The following RALGAPA2 variants were observed in gnomAD, a reference collection of about 807,000 sequenced individuals.
RALGAPA2 encodes ral GTPase-activating protein subunit alpha-2.
RALGAPA2 carries 139 observed loss-of-function variants against 230.4 expected under a neutral mutation model. The observed-to-expected ratio is 0.60, with a 90% confidence interval of 0.53 to 0.69. The LOEUF is 0.69. RALGAPA2 is among the 30% of genes least tolerant of loss of function. The pLI is 0.00. For synonymous variants in RALGAPA2, 847 were observed against 837.8 expected, an observed-to-expected ratio of 1.01 and a Z score of -0.19; for missense variants, 2,163 against 2,276.0, an observed-to-expected ratio of 0.95 and a Z score of 1.01.
Position 20,591,174 on chromosome 20 carries a change from T to C in RALGAPA2, c.2341+3A>G. ...TGTATTAAACACTGAAGACATCATG[T>C]ACCCTGAGAAGAATCTGAGCACAGC... On this transcript the variant is annotated splice_donor_region_variant and intron_variant, in intron 17 of 39. Transcript: ENST00000202677. 1 of 1,613,516 alleles carries C rather than the reference T, an allele frequency of 6.2e-7. No individual in the cohort carries two copies. The highest frequency in any genetic ancestry group is 8.5e-7 in the Non-Finnish European group (1 of 1,179,658).
At chr20:20,615,286 G>A (rs943792658) in intron 13 of RALGAPA2, among the ~76,000 whole-genome samples, 3 of 151,346 alleles carry the variant, frequency 2.0e-5, no homozygotes, top group Non-Finnish European at 2.9e-5. Flanking sequence ...TCAGCCTCCC[G>A]AGTAGCTGGG....
intron 32 of RALGAPA2, among the ~76,000 whole-genome samples, chr20:20,511,727 T>G (rs796196856): frequency 6.6e-6 from 1 of 152,208 alleles, no homozygotes; most frequent in Non-Finnish European, 1.5e-5. Context: ...TACTTCCCAT[T>G]GGATTTAATC....
intron 23 of RALGAPA2, among the ~76,000 whole-genome samples, chr20:20,548,103 A>G (rs1285930024): frequency 2.0e-5 from 3 of 151,750 alleles, no homozygotes; most frequent in Non-Finnish European, 2.9e-5. Context: ...TAGTCTCAAT[A>G]TAAGAGTAAG....
intron 37 of RALGAPA2, among the ~76,000 whole-genome samples, chr20:20,431,055 T>C (rs970019967): frequency 1.3e-5 from 2 of 152,026 alleles, no homozygotes; most frequent in Non-Finnish European, 2.9e-5. Context: ...GGCTATACCC[T>C]TTTGGTGTGG....
intron 37 of RALGAPA2, among the ~76,000 whole-genome samples, chr20:20,465,197 A>ACACACACACACACACACTCT (rs772089136): frequency 6.8e-6 from 1 of 147,340 alleles, no homozygotes; most frequent in Admixed American, 6.8e-5. Context: ...ACACACACAC[A>ACACACACACACACACACTCT]CTCTCTCATA....
At chr20:20,547,520 C>G (rs2063806835) in intron 23 of RALGAPA2, among the ~76,000 whole-genome samples, 1 of 152,174 alleles carries the variant, frequency 6.6e-6, no homozygotes, top group Non-Finnish European at 1.5e-5. Context: ...GGCCCCTCAC[C>G]CCCCAGCTCT....
intron 31 of RALGAPA2, among the ~76,000 whole-genome samples, chr20:20,518,708 G>GT (rs1435460835): frequency 6.6e-6 from 1 of 152,002 alleles, no homozygotes; most frequent in African/African-American, 2.4e-5. Flanking sequence ...ATATTTTTAG[G>GT]TTTTTCCTTT....
At chr20:20,455,384 G>A (rs747476627) in intron 37 of RALGAPA2, among the ~76,000 whole-genome samples, 23 of 152,214 alleles carry the variant, frequency 1.5e-4, no homozygotes, top group Non-Finnish European at 2.2e-4. Context: ...TTACTATAAC[G>A]TGCACGGAAA....
At chr20:20,679,321 A>C (rs574724450) in intron 2 of RALGAPA2, among the ~76,000 whole-genome samples, 1 of 152,220 alleles carries the variant, frequency 6.6e-6, no homozygotes, top group South Asian at 2.1e-4. Context: ...CTTATAACCA[A>C]GTCTCATAGA....
intron 15 of RALGAPA2, among the ~76,000 whole-genome samples, chr20:20,603,755 C>A (rs1196849083): frequency 1.3e-5 from 2 of 152,216 alleles, no homozygotes; most frequent in Non-Finnish European, 2.9e-5. Context: ...CTGAGTCCAA[C>A]CCAAATTGCC....
intron 37 of RALGAPA2, among the ~76,000 whole-genome samples, chr20:20,467,093 A>G (rs1238251218): frequency 6.6e-6 from 1 of 152,236 alleles, no homozygotes; most frequent in Non-Finnish European, 1.5e-5. Context: ...TACAAGACAC[A>G]CAAAGCTTCT....
At chr20:20,405,702 C>T (rs968972521) in intron 38 of RALGAPA2, among the ~76,000 whole-genome samples, 2 of 152,214 alleles carry the variant, frequency 1.3e-5, no homozygotes, top group African/African-American at 2.4e-5. Context: ...TTCAGTTACT[C>T]GGTCTGTGGA....
intron 14 of RALGAPA2, among the ~76,000 whole-genome samples, chr20:20,609,055 T>C (rs1375198819): frequency 6.6e-6 from 1 of 152,198 alleles, no homozygotes; most frequent in Non-Finnish European, 1.5e-5. Context: ...AGCACAGTGA[T>C]GCAATCATAG....
At chr20:20,540,682 G>C (rs1384780418) in intron 24 of RALGAPA2, among the ~76,000 whole-genome samples, 3 of 152,064 alleles carry the variant, frequency 2.0e-5, no homozygotes, top group Admixed American at 1.3e-4. Context: ...CACTTCATGT[G>C]AATTTGACCT....
At chr20:20,694,526 T>A (rs1404217089) in intron 1 of RALGAPA2, among the ~76,000 whole-genome samples, 1 of 152,192 alleles carries the variant, frequency 6.6e-6, no homozygotes, top group African/African-American at 2.4e-5. Flanking sequence ...GCCCTTCTGG[T>A]CACTGGGCAG....
chr20:20,696,599 C>T (rs568326801), intron 1 of RALGAPA2, among the ~76,000 whole-genome samples: 2 of 151,768 alleles, frequency 1.3e-5, no homozygotes, highest in Admixed American at 6.5e-5. Flanking sequence ...TTCCCCTCTC[C>T]CACCCCCGCT....
rs2059771153 is a variant in RALGAPA2, at chr20:20,398,796, CTGGGTTACAG to C, written c.5618-2072_5618-2063del. On this transcript the variant is annotated intron_variant, in intron 38 of 39. Coordinates refer to ENST00000202677, the MANE Select transcript of RALGAPA2 (RefSeq NM_020343.4). The surrounding 1 kb of genome is among the most constrained non-coding windows in gnomAD (Gnocchi z 4.5). ...TATGTGCCAGGTACTGTTTTAGGCT[CTGGGTTACAG>C]TGGTGACCAAAGCAGATGAAACCGC... Among the ~76,000 whole-genome samples, 1 of 152,190 alleles carries C rather than the reference CTGGGTTACAG, an allele frequency of 6.6e-6. No homozygotes were observed. The highest frequency in any genetic ancestry group is 6.5e-5 in the Admixed American group (1 of 15,280).
intron 31 of RALGAPA2, among the ~76,000 whole-genome samples, chr20:20,514,074 T>C (rs895171041): frequency 7.9e-5 from 12 of 152,180 alleles, no homozygotes; most frequent in Non-Finnish European, 1.6e-4. Flanking sequence ...GTGGAAATCC[T>C]TTCCTAGACT....
In RALGAPA2 at chr20:20,609,090, G is replaced by A. The variant is rs540053586; in HGVS notation, c.1800+2225C>T. On this transcript the variant is annotated intron_variant, in intron 14 of 39. Coordinates refer to ENST00000202677, the MANE Select transcript of RALGAPA2 (RefSeq NM_020343.4). ...GCTTGCTTACAGCCTCAACCTCCCG[G>A]GTTCAAGCAATCTTCCCACCTCAGC... 8.9e-4 allele frequency among the ~76,000 whole-genome samples: 136 copies of A among 152,178 alleles called. 5 individuals are homozygous for A. In the South Asian group the frequency reaches 0.028, roughly 31 times the overall value.
Sources: allele counts gnomAD v4.1 joint callset (sites outside exome capture counted in the v4.1 genomes callset), GRCh38; gene constraint gnomAD v4.1.1; non-coding constraint Gnocchi (gnomAD v3.1); transcripts MANE v1.5; gene names NCBI Gene and HGNC (gene_info 2026-07-23, HGNC 2026-07-21).